PDE4B: variants seen among roughly 807,000 people sequenced by gnomAD.
The protein encoded by PDE4B is phosphodiesterase 4B.
Under a neutral mutation model 82.2 loss-of-function variants are expected in PDE4B, and 20 were observed. That is an observed-to-expected ratio of 0.24 (90% CI 0.17 to 0.35). The LOEUF is 0.35. PDE4B is among the 10% of genes least tolerant of loss of function. The pLI is 1.00. For synonymous variants in PDE4B, 320 were observed against 318.9 expected, an observed-to-expected ratio of 1.00 and a Z score of -0.04; for missense variants, 655 against 907.2, an observed-to-expected ratio of 0.72 and a Z score of 3.57.
At chr1:66,289,781 A>G (rs1051771786) in intron 7 of PDE4B, among the ~76,000 whole-genome samples, 1 of 152,088 alleles carries the variant, frequency 6.6e-6, no homozygotes, top group Non-Finnish European at 1.5e-5. Flanking sequence ...AAGAGAGGAT[A>G]TGAGGGGAAT....
chr1:66,248,981 C>T (rs144576204), intron 4 of PDE4B, among the ~76,000 whole-genome samples: 18 of 152,288 alleles, frequency 1.2e-4, no homozygotes, highest in Admixed American at 5.9e-4. Flanking sequence ...GTGTATCATG[C>T]TGTGTCCCAT....
intron 7 of PDE4B, chr1:66,266,706 C>G (rs776050753): frequency 2.3e-5 from 12 of 527,302 alleles, no homozygotes; most frequent in Non-Finnish European, 4.7e-5. Flanking sequence ...GTGTTGAGAG[C>G]TGCAGAGAGG....
chr1:66,332,319 C>A, intron 7 of PDE4B, 189 bp from the exon 8 acceptor site: 1 of 1,577,648 alleles, frequency 6.3e-7, no homozygotes, highest in Non-Finnish European at 8.6e-7. Context: ...ACCAGCCATC[C>A]CAGGCAGAGC....
At chr1:66,188,683 C>T (rs960220721) in intron 3 of PDE4B, among the ~76,000 whole-genome samples, 1 of 151,600 alleles carries the variant, frequency 6.6e-6, no homozygotes, top group African/African-American at 2.4e-5. Flanking sequence ...TTTCCATTTG[C>T]TTGGTAGATC....
At chr1:66,186,698 T>G (rs1177900879) in intron 3 of PDE4B, among the ~76,000 whole-genome samples, 1 of 152,242 alleles carries the variant, frequency 6.6e-6, no homozygotes, top group Admixed American at 6.5e-5. Flanking sequence ...CCTCAGACTT[T>G]GCTGAAGTTG....
At chr1:65,925,447 A>G (rs1054755929) in intron 3 of PDE4B, among the ~76,000 whole-genome samples, 1 of 152,208 alleles carries the variant, frequency 6.6e-6, no homozygotes, top group African/African-American at 2.4e-5. Flanking sequence ...ATTGGACACA[A>G]CCACAAAACC....
chr1:66,355,418 G>T, intron 8 of PDE4B, 109 bp from the exon 9 acceptor site: 1 of 570,882 alleles, frequency 1.8e-6, no homozygotes, highest in East Asian at 2.9e-5. Flanking sequence ...TTATCTAATG[G>T]TATCTGCTCA....
rs1398667041 is a variant in PDE4B at position 65,832,677 on chromosome 1, T to C, written c.-71+39429T>C. 1.3e-5 allele frequency among the ~76,000 whole-genome samples: 2 copies of C among 152,224 alleles called. 1 individual carries two copies. Among genetic ancestry groups the C allele is most frequent in the South Asian group, 4.1e-4 (2 of 4,832 alleles). On this transcript the variant is annotated intron_variant, in intron 1 of 16. Transcript: ENST00000341517. The stretch of plus-strand genomic sequence containing the variant: ...ACTTGGGAAAGTATAATTGGTCTTA[T>C]ATGTATCACTGAGTCCTGGTAGGAT...
At position 65,901,477 on chromosome 1, in the gene PDE4B, A is replaced by G. The variant is rs1646971417; in HGVS notation, c.-70-11768A>G. Among the ~76,000 whole-genome samples, 3 of 152,016 alleles carry G rather than the reference A, an allele frequency of 2.0e-5. No individual in the cohort carries two copies. The South Asian group carries it at 6.2e-4, about 31-fold the overall frequency. ...GGCTTCATAGAATGAATTAGGGAGA[A>G]GTGCTCTTCTTGTACATTTGGTAAA... On this transcript the variant is annotated intron_variant, in intron 1 of 16. Coordinates refer to ENST00000341517, the MANE Select transcript of PDE4B (RefSeq NM_002600.4).
At chr1:65,881,948 T>C (rs1168996468) in intron 1 of PDE4B, among the ~76,000 whole-genome samples, 2 of 152,210 alleles carry the variant, frequency 1.3e-5, no homozygotes, top group Non-Finnish European at 2.9e-5. Flanking sequence ...TAATAAGTGC[T>C]TTCCTGAGAA....
At chr1:66,087,899 G>T (rs576544281) in intron 3 of PDE4B, among the ~76,000 whole-genome samples, 1 of 149,604 alleles carries the variant, frequency 6.7e-6, no homozygotes, top group African/African-American at 2.5e-5. Flanking sequence ...GGATAGCATT[G>T]GGAGATATAC....
intron 3 of PDE4B, among the ~76,000 whole-genome samples, chr1:66,225,763 CTGTTT>C (rs1651401569): frequency 6.6e-6 from 1 of 152,164 alleles, no homozygotes; most frequent in South Asian, 2.1e-4. Flanking sequence ...TTTGAGTCTC[CTGTTT>C]TATTTTGTTT....
intron 3 of PDE4B, among the ~76,000 whole-genome samples, chr1:66,069,482 C>G (rs1557538966): frequency 1.3e-5 from 2 of 151,996 alleles, no homozygotes; most frequent in South Asian, 4.1e-4. Flanking sequence ...GATTATACTT[C>G]TGCCTTTAGC....
intron 3 of PDE4B, among the ~76,000 whole-genome samples, chr1:66,243,127 C>G (rs1428258605): frequency 6.6e-6 from 1 of 152,170 alleles, no homozygotes; most frequent in Non-Finnish European, 1.5e-5. Flanking sequence ...GAGAACATAG[C>G]AGTGCTTTCT....
intron 3 of PDE4B, among the ~76,000 whole-genome samples, chr1:66,036,440 T>A (rs1466464808): frequency 6.6e-6 from 1 of 152,190 alleles, no homozygotes; most frequent in Non-Finnish European, 1.5e-5. Flanking sequence ...TTTTAGTAGT[T>A]TTACAGTTTC....
chr1:66,221,931 A>G (rs1292273233), intron 3 of PDE4B, among the ~76,000 whole-genome samples: 1 of 151,318 alleles, frequency 6.6e-6, no homozygotes, highest in Admixed American at 6.6e-5. Context: ...ATTAATTAGG[A>G]TGAGTTTTGG....
intron 3 of PDE4B, among the ~76,000 whole-genome samples, chr1:66,123,733 G>A (rs1645761020): frequency 6.6e-6 from 1 of 152,136 alleles, no homozygotes; most frequent in South Asian, 2.1e-4. Context: ...CTACTAAATT[G>A]TGAGTGCCTT....
At chr1:65,907,513 A>C (rs1280770185) in intron 1 of PDE4B, among the ~76,000 whole-genome samples, 1 of 152,112 alleles carries the variant, frequency 6.6e-6, no homozygotes, top group Non-Finnish European at 1.5e-5. Flanking sequence ...TGGAGACAGC[A>C]GTTCAGGCTC....
rs533203837 is a variant in PDE4B at position 65,927,077 on chromosome 1, C to T, written c.281+8242C>T. 3.3e-5 allele frequency among the ~76,000 whole-genome samples: 5 copies of T among 151,850 alleles called. No individual in the cohort carries two copies. In the South Asian group the frequency reaches 1.0e-3, roughly 32 times the overall value. On this transcript the variant is annotated intron_variant, in intron 3 of 16. Coordinates refer to ENST00000341517, the MANE Select transcript of PDE4B (RefSeq NM_002600.4). Reference sequence around the variant, plus strand: ...TTTCAGAGAAACAAAACTGAGGAAACTCATTGTCAGTAGACCTGATTTATA... The same window carrying T: ...TTTCAGAGAAACAAAACTGAGGAAATTCATTGTCAGTAGACCTGATTTATA...
Sources: allele counts gnomAD v4.1 joint callset (sites outside exome capture counted in the v4.1 genomes callset), GRCh38; gene constraint gnomAD v4.1.1; transcripts MANE v1.5; gene names NCBI Gene and HGNC (gene_info 2026-07-23, HGNC 2026-07-21).